Variants in TSPAN18 observed in about 807,000 individuals in gnomAD.
TSPAN18 encodes the protein tetraspanin-18.
In TSPAN18, 14 loss-of-function variants were observed where a neutral mutation model predicts 27.3. The ratio of observed to expected loss-of-function variants is 0.51; its 90% CI spans 0.34 to 0.80. The LOEUF (loss-of-function observed/expected upper bound fraction) is 0.80, where lower values mean the gene tolerates loss of function less well. Ranked by LOEUF, TSPAN18 falls within the 30% of genes least tolerant of loss-of-function variation. The pLI, the probability that TSPAN18 is intolerant of heterozygous loss-of-function variation, is 0.01. For missense variants in TSPAN18, 268 were observed against 323.9 expected (o/e 0.83, Z 1.32); for synonymous variants, 143 against 136.5 (o/e 1.05, Z -0.33).
intron 4 of TSPAN18, among the ~76,000 whole-genome samples, chr11:44,908,049 C>T (rs367717840): frequency 2.8e-3 from 308 of 110,806 alleles, no homozygotes; most frequent in African/African-American, 0.011. Context: ...AGTGAAACTC[C>T]GTCTCAGAAA....
chr11:44,746,207 G>T (rs73448568), intron 1 of TSPAN18, among the ~76,000 whole-genome samples: 5,750 of 152,162 alleles, frequency 0.038, 272 homozygotes, highest in African/African-American at 0.098. Context: ...TTCTGTTTTG[G>T]TTCAGAGTTC....
At chr11:44,783,126 C>A (rs1053985439) in intron 2 of TSPAN18, among the ~76,000 whole-genome samples, 3 of 152,136 alleles carry the variant, frequency 2.0e-5, no homozygotes, top group African/African-American at 4.8e-5. Context: ...TCACACACGG[C>A]CTCTTTTGCC....
intron 2 of TSPAN18, among the ~76,000 whole-genome samples, chr11:44,777,196 C>T (rs1855831397): frequency 6.6e-6 from 1 of 152,200 alleles, no homozygotes; most frequent in African/African-American, 2.4e-5. Flanking sequence ...TGTGCTCCCC[C>T]ATATGTCATA....
At chr11:44,754,922 T>C (rs1362922430) in intron 1 of TSPAN18, among the ~76,000 whole-genome samples, 1 of 152,166 alleles carries the variant, frequency 6.6e-6, no homozygotes, top group Admixed American at 6.5e-5. Flanking sequence ...CTACACATGC[T>C]CTTTCCTACT....
intron 1 of TSPAN18, among the ~76,000 whole-genome samples, chr11:44,734,454 G>A (rs999825053): frequency 2.6e-5 from 4 of 152,220 alleles, no homozygotes; most frequent in Non-Finnish European, 4.4e-5. Context: ...GCTAAAAAGC[G>A]AGTCAAGTGC....
chr11:44,813,563 G>A (rs1030750979), intron 2 of TSPAN18, among the ~76,000 whole-genome samples: 1 of 152,168 alleles, frequency 6.6e-6, no homozygotes, highest in Non-Finnish European at 1.5e-5. Flanking sequence ...CACTCAGCAG[G>A]CGCTGCTGGG....
intron 2 of TSPAN18, among the ~76,000 whole-genome samples, chr11:44,847,031 G>A (rs1430335037): frequency 1.3e-5 from 2 of 152,240 alleles, no homozygotes; most frequent in African/African-American, 4.8e-5. Flanking sequence ...ACTAACTTCA[G>A]CAGGAAGCAG....
In TSPAN18 at chr11:44,929,300, GC is replaced by G; in HGVS notation, c.*124del. 8.2e-7 allele frequency: 1 copy of G among 1,225,100 alleles called. No homozygotes were observed. Among genetic ancestry groups the G allele is most frequent in the Non-Finnish European group, 1.2e-6 (1 of 856,298 alleles). The allele number at this position is 1,225,100 out of a possible 1,614,324, so 75.9% of individuals were successfully genotyped here. On this transcript the variant is annotated 3_prime_UTR_variant, in exon 10 of 10. Coordinates refer to ENST00000520358, the MANE Select transcript of TSPAN18 (RefSeq NM_130783.5). ...GGAGAAGATGAGGCCATCAGAGATGGCCAGGAGAAGGGCCAGGGGAATAGAG... is the reference window on the plus strand; with the variant it reads ...GGAGAAGATGAGGCCATCAGAGATGGCAGGAGAAGGGCCAGGGGAATAGAG...
chr11:44,744,186 T>C (rs1244072353), intron 1 of TSPAN18, among the ~76,000 whole-genome samples: 1 of 152,158 alleles, frequency 6.6e-6, no homozygotes, highest in Non-Finnish European at 1.5e-5. Context: ...CCTCCCTGGG[T>C]TTGCGTGTAT....
chr11:44,869,048 C>T (rs1373229429), intron 3 of TSPAN18, among the ~76,000 whole-genome samples: 1 of 152,220 alleles, frequency 6.6e-6, no homozygotes, highest in Non-Finnish European at 1.5e-5. Flanking sequence ...CCAGGTTCTG[C>T]CCACTAGGCG....
intron 3 of TSPAN18, chr11:44,886,685 T>C (rs2121274): frequency 6.6e-6 from 1 of 152,100 alleles, no homozygotes; most frequent in Non-Finnish European, 1.5e-5. Flanking sequence ...AATAAGGTTG[T>C]GGGGGTTGCC....
At chr11:44,755,114 T>C (rs909704348) in intron 1 of TSPAN18, among the ~76,000 whole-genome samples, 2 of 152,194 alleles carry the variant, frequency 1.3e-5, no homozygotes, top group South Asian at 4.2e-4. Context: ...TTTATGGGGA[T>C]TGGGACATTC....
intron 5 of TSPAN18, among the ~76,000 whole-genome samples, chr11:44,916,983 C>T (rs531602942): frequency 1.2e-4 from 18 of 152,348 alleles, no homozygotes; most frequent in African/African-American, 2.4e-4. Flanking sequence ...TGACCAGGGC[C>T]GGTGATGTGG....
chr11:44,807,383 C>T (rs1160206770), intron 2 of TSPAN18, among the ~76,000 whole-genome samples: 1 of 136,664 alleles, frequency 7.3e-6, no homozygotes, highest in Non-Finnish European at 1.6e-5. Flanking sequence ...ACAAAATTAG[C>T]CAGGTGTGGT....
At chr11:44,881,055 G>T (rs1428457042) in intron 3 of TSPAN18, among the ~76,000 whole-genome samples, 1 of 152,204 alleles carries the variant, frequency 6.6e-6, no homozygotes, top group African/African-American at 2.4e-5. Context: ...TCTGCAGCCT[G>T]ACTGCCTGTG....
At chr11:44,848,278 G>T (rs1029451544) in intron 2 of TSPAN18, among the ~76,000 whole-genome samples, 3 of 152,122 alleles carry the variant, frequency 2.0e-5, no homozygotes, top group African/African-American at 4.8e-5. Flanking sequence ...AGTCCTTTGC[G>T]CACCAAAGAT....
At chr11:44,850,394 G>C (rs1857573144) in intron 2 of TSPAN18, among the ~76,000 whole-genome samples, 1 of 152,126 alleles carries the variant, frequency 6.6e-6, no homozygotes, top group Admixed American at 6.5e-5. Flanking sequence ...GAGGCTGCCA[G>C]GGTTTGGGAG....
At chr11:44,867,025 A>G (rs568130142) in intron 3 of TSPAN18, among the ~76,000 whole-genome samples, 104 of 152,342 alleles carry the variant, frequency 6.8e-4, no homozygotes, top group Non-Finnish European at 1.2e-3. Flanking sequence ...CTTAAATCAG[A>G]TTCTTTCAGA....
chr11:44,766,437 A>G (rs1222777597), intron 2 of TSPAN18, among the ~76,000 whole-genome samples: 1 of 152,208 alleles, frequency 6.6e-6, no homozygotes, highest in East Asian at 1.9e-4. Flanking sequence ...TTGCCTTATC[A>G]CAGAGCCTGG....
Sources: gnomAD v4.1 joint callset for allele counts (sites outside exome capture counted in the v4.1 genomes callset) on GRCh38, gnomAD v4.1.1 for gene constraint, MANE v1.5 for transcripts, NCBI Gene and HGNC (gene_info 2026-07-23, HGNC 2026-07-21) for gene names.